TJP1: variants seen among roughly 807,000 people sequenced by gnomAD.
The protein encoded by TJP1 is tight junction protein ZO-1.
In TJP1, 43 loss-of-function variants were observed where a neutral mutation model predicts 194.2. The ratio of observed to expected loss-of-function variants is 0.22; its 90% CI spans 0.17 to 0.29. The LOEUF (loss-of-function observed/expected upper bound fraction) is 0.29, where lower values mean the gene tolerates loss of function less well. TJP1 is among the 10% of genes least tolerant of loss of function. The pLI is 1.00. For synonymous variants in TJP1, 801 were observed against 779.0 expected (o/e 1.03, Z -0.47); for missense variants, 1,971 against 2,185.7 (o/e 0.90, Z 1.96).
At chr15:29,922,958 G>GA (rs2054412276) in intron 2 of TJP1, among the ~76,000 whole-genome samples, 1 of 145,402 alleles carries the variant, frequency 6.9e-6, no homozygotes, top group Admixed American at 6.8e-5. Flanking sequence ...AAACACATAT[G>GA]AAAAAACTGT....
At chr15:29,824,104 A>AT (rs1567107990), upstream of TJP1, 1 of 141,870 alleles carries the variant, frequency 7.0e-6, no homozygotes, top group Non-Finnish European at 1.5e-5. Flanking sequence ...AAAAAAAAAA[A>AT]AAAAAAAAAA....
In TJP1 at chr15:29,720,480, C is replaced by T. The variant is rs1454437293; in HGVS notation, c.2641G>A (p.Val881Ile). Residue 881 changes from valine (V) to isoleucine (I), a missense_variant, in exon 19 of 28, where the codon GTA becomes ATA. This residue lies in a region of TJP1 where 1,108 missense variants were observed against 1,128.5 expected (regional missense o/e 0.98). Transcript: ENST00000614355. ...ESAITRSSEP[V>I]REDSSGMHHE... ...TGCATTCCAGAGGAGTCCTCTCTTACAGGCTCAGAGGACCGTGTAATGGCA... is the reference window on the plus strand; with the variant it reads ...TGCATTCCAGAGGAGTCCTCTCTTATAGGCTCAGAGGACCGTGTAATGGCA... 48 of 1,614,028 alleles carry T rather than the reference C, an allele frequency of 3.0e-5. No individual in the cohort carries two copies. The highest frequency in any genetic ancestry group is 4.0e-5 in the Non-Finnish European group (47 of 1,180,044).
chr15:29,957,657 C>A (rs28371915), intron 1 of TJP1, among the ~76,000 whole-genome samples: 27,729 of 152,116 alleles, frequency 0.18, 2,752 homozygotes, highest in East Asian at 0.3. Context: ...TCAACTATTC[C>A]CCTACTAATG....
At chr15:29,735,615 C>T (rs2043978550) in intron 11 of TJP1, among the ~76,000 whole-genome samples, 1 of 147,532 alleles carries the variant, frequency 6.8e-6, no homozygotes, top group African/African-American at 2.5e-5. Context: ...AAGAAAGAAA[C>T]GTTTAAAAAA....
In TJP1 at chr15:29,700,732, A is replaced by AAAAG; in HGVS notation, c.*862_*863insCTTT. The AAAAG allele has an allele frequency of 3.4e-6, 1 of 290,100 alleles. No individual in the cohort carries two copies. 18.0% of individuals were successfully genotyped at this position (290,100 alleles called of 1,614,324 possible). ...CCACTGCCCCTTGTCAAAAAAAAAA[A>AAAAG]AAAAGAAAAGAAAAGAAAAGAAAAA... On this transcript the variant is annotated 3_prime_UTR_variant, in exon 28 of 28. Coordinates refer to ENST00000614355, the MANE Select transcript of TJP1 (RefSeq NM_001330239.4).
chr15:29,723,143 C>T (rs566036543), intron 18 of TJP1, among the ~76,000 whole-genome samples: 64 of 152,140 alleles, frequency 4.2e-4, no homozygotes, highest in African/African-American at 1.1e-3. Context: ...CTGTTGGGAA[C>T]GCACCATCAT....
intron 2 of TJP1, among the ~76,000 whole-genome samples, chr15:29,928,675 GGCTC>G (rs2054601888): frequency 6.6e-6 from 1 of 152,068 alleles, no homozygotes; most frequent in Admixed American, 6.5e-5. Flanking sequence ...CGGGCACGGT[GGCTC>G]ACGCCTGTAA....
At chr15:29,836,697 T>C (rs540879431) in intron 2 of TJP1, among the ~76,000 whole-genome samples, 2 of 152,298 alleles carry the variant, frequency 1.3e-5, no homozygotes, top group African/African-American at 4.8e-5. Context: ...ACCAATGTCA[T>C]AGTATTATGA....
At chr15:29,734,454 T>C in intron 11 of TJP1, 72 bp from the exon 12 acceptor site, 3 of 1,091,332 alleles carry the variant, frequency 2.7e-6, no homozygotes, top group Non-Finnish European at 4.0e-6. Flanking sequence ...AGGACACAGA[T>C]ACTCTCAGTC....
At chr15:29,811,033 A>G (rs2049461640) in intron 1 of TJP1, among the ~76,000 whole-genome samples, 2 of 152,138 alleles carry the variant, frequency 1.3e-5, no homozygotes. Flanking sequence ...AGTACTATGA[A>G]AGAAGGAAAA....
At chr15:29,822,471 A>G, upstream of TJP1, 1 of 985,056 alleles carries the variant, frequency 1.0e-6, no homozygotes, top group Non-Finnish European at 1.2e-6. Context: ...GCGGCCACGC[A>G]AACCTGCCGG....
At position 29,749,468 on chromosome 15, in the gene TJP1, C is replaced by T. The variant is rs181188391; in HGVS notation, c.1011-6687G>A. On this transcript the variant is annotated intron_variant, in intron 8 of 27. Transcript: ENST00000614355. Reference sequence around the variant, plus strand: ...GCTGTTTGGAGCCATTTAGTAGAGGCAGAGGGCATGCAGCATGGTCAGTAC... The same window carrying T: ...GCTGTTTGGAGCCATTTAGTAGAGGTAGAGGGCATGCAGCATGGTCAGTAC... Among the ~76,000 whole-genome samples the T allele has an allele frequency of 9.1e-4, 138 of 152,228 alleles. 1 individual carries two copies. The highest frequency in any genetic ancestry group is 7.3e-3 in the Admixed American group (111 of 15,286).
intron 2 of TJP1, among the ~76,000 whole-genome samples, chr15:29,788,159 G>C (rs1358179677): frequency 2.0e-5 from 3 of 152,032 alleles, no homozygotes; most frequent in African/African-American, 7.2e-5. Flanking sequence ...CAACTGATTT[G>C]TCTTTTTATT....
chr15:29,874,676 T>A (rs889785289), intron 2 of TJP1, among the ~76,000 whole-genome samples: 1 of 152,204 alleles, frequency 6.6e-6, no homozygotes, highest in Non-Finnish European at 1.5e-5. Context: ...ACCATCATTT[T>A]AAAAAAATTT....
chr15:29,719,844 G>C lies in TJP1; in HGVS notation c.2936C>G (p.Thr979Ser), dbSNP rs2151129158. ...TCTTAGCATTATGTGAGCTGCCTCAGTACTTGGTGTTCTTAAAGAATCAGC... is the reference window on the plus strand; with the variant it reads ...TCTTAGCATTATGTGAGCTGCCTCACTACTTGGTGTTCTTAAAGAATCAGC... ...PQADSLRTPS[T>S]EAAHIMLRDQ... Residue 979 changes from threonine to serine, a missense_variant, in exon 20 of 28, where the codon ACT (threonine) becomes AGT (serine). Around this residue, in one of 5 missense-constraint regions of TJP1, gnomAD observed 1,108 missense variants for 1,128.5 expected, o/e 0.98. Coordinates refer to ENST00000614355, the MANE Select transcript of TJP1 (RefSeq NM_001330239.4). 6.2e-7 allele frequency: 1 copy of C among 1,614,180 alleles called. No homozygotes were observed. The highest frequency in any genetic ancestry group is 1.1e-5 in the South Asian group (1 of 91,076).
At chr15:29,742,022 A>G (rs1184463378) in intron 9 of TJP1, among the ~76,000 whole-genome samples, 4 of 152,136 alleles carry the variant, frequency 2.6e-5, no homozygotes, top group Admixed American at 6.6e-5. Context: ...CAGGAGTTGG[A>G]GACCAACCTG....
At chr15:29,882,388 A>T (rs1252663091) in intron 2 of TJP1, among the ~76,000 whole-genome samples, 1 of 152,194 alleles carries the variant, frequency 6.6e-6, no homozygotes, top group Non-Finnish European at 1.5e-5. Context: ...ATCAACAACC[A>T]AGGACTTCCT....
At chr15:29,796,932 G>C (rs1455865379) in intron 2 of TJP1, among the ~76,000 whole-genome samples, 2 of 146,810 alleles carry the variant, frequency 1.4e-5, no homozygotes, top group Admixed American at 7.0e-5. Flanking sequence ...CAAACAAAAT[G>C]CTTCTTCAAA....
intron 2 of TJP1, among the ~76,000 whole-genome samples, chr15:29,838,227 C>G (rs924783876): frequency 2.6e-5 from 4 of 152,170 alleles, no homozygotes; most frequent in African/African-American, 9.7e-5. Context: ...GAGTTCAAGA[C>G]TAGTCTGGCC....
Sources: gnomAD v4.1 joint callset for allele counts (sites outside exome capture counted in the v4.1 genomes callset) on GRCh38, gnomAD v4.1.1 for gene constraint, gnomAD v4.1.1 regional missense constraint, MANE v1.5 for transcripts, NCBI Gene and HGNC (gene_info 2026-07-23, HGNC 2026-07-21) for gene names.